Variants in TOM1L2 observed in about 807,000 individuals in gnomAD.
The protein encoded by TOM1L2 is target of myb1 like 2 membrane trafficking protein.
In TOM1L2, 31 loss-of-function variants were observed where a neutral mutation model predicts 67.9. That is an observed-to-expected ratio of 0.46 (90% CI 0.34 to 0.62). The LOEUF is 0.62. Among genes scored for constraint, TOM1L2 ranks in the 20% least tolerant of loss-of-function variants. TOM1L2 has a pLI of 0.01. For synonymous variants in TOM1L2, 256 were observed against 254.0 expected (o/e 1.01, Z -0.07); for missense variants, 606 against 663.5 (o/e 0.91, Z 0.95).
chr17:17,882,899 G>C (rs2037804100), intron 5 of TOM1L2, 36 bp from the exon 6 acceptor site: 7 of 1,610,548 alleles, frequency 4.3e-6, no homozygotes, highest in Non-Finnish European at 5.1e-6. Context: ...TGTTTACCTG[G>C]GCTGCCTGCA....
At chr17:17,927,882 C>G (rs1317817583) in intron 1 of TOM1L2, among the ~76,000 whole-genome samples, 12 of 151,988 alleles carry the variant, frequency 7.9e-5, no homozygotes, top group African/African-American at 2.9e-4. Flanking sequence ...CCAGGCCTCC[C>G]AAAGTGTTGG....
At chr17:17,909,087 A>G (rs1354241269) in intron 1 of TOM1L2, among the ~76,000 whole-genome samples, 1 of 152,204 alleles carries the variant, frequency 6.6e-6, no homozygotes, top group Non-Finnish European at 1.5e-5. Flanking sequence ...AGGCTGAGGC[A>G]GGAGAATGGC....
At chr17:17,870,362 C>T (rs890138318) in intron 7 of TOM1L2, among the ~76,000 whole-genome samples, 1 of 152,188 alleles carries the variant, frequency 6.6e-6, no homozygotes, top group Non-Finnish European at 1.5e-5. Context: ...AACTTGCTTA[C>T]AGAGCTCCGT....
At chr17:17,967,860 G>A (rs2041927049) in intron 1 of TOM1L2, among the ~76,000 whole-genome samples, 2 of 152,022 alleles carry the variant, frequency 1.3e-5, no homozygotes, top group African/African-American at 2.4e-5. Flanking sequence ...CACCCGCCAC[G>A]GCCTCCCAAA....
intron 3 of TOM1L2, among the ~76,000 whole-genome samples, chr17:17,896,770 G>A (rs1310422033): frequency 2.0e-5 from 3 of 152,192 alleles, no homozygotes; most frequent in South Asian, 4.1e-4. Flanking sequence ...GAAGACACAA[G>A]CAGAGAGCCC....
intron 1 of TOM1L2, among the ~76,000 whole-genome samples, chr17:17,953,470 G>A (rs1250380337): frequency 6.6e-6 from 1 of 152,116 alleles, no homozygotes; most frequent in African/African-American, 2.4e-5. Context: ...CCCCACCTCA[G>A]GAGGACAGAG....
intron 1 of TOM1L2, among the ~76,000 whole-genome samples, chr17:17,946,417 T>C (rs547961775): frequency 9.2e-5 from 14 of 152,342 alleles, no homozygotes; most frequent in African/African-American, 2.9e-4. Flanking sequence ...CTTTTCTCTA[T>C]ATAGATGTGT....
At chr17:17,890,329 G>A (rs933917717) in intron 4 of TOM1L2, among the ~76,000 whole-genome samples, 1 of 151,926 alleles carries the variant, frequency 6.6e-6, no homozygotes, top group African/African-American at 2.4e-5. Context: ...CTCACACCCC[G>A]GTATGAGGTG....
chr17:17,851,612 G>A (rs77431985), intron 12 of TOM1L2, among the ~76,000 whole-genome samples: 2,638 of 152,286 alleles, frequency 0.017, 33 homozygotes, highest in Non-Finnish European at 0.025. Flanking sequence ...CAGCAAAAAC[G>A]AGGGCTCTGA....
intron 7 of TOM1L2, among the ~76,000 whole-genome samples, chr17:17,877,925 T>C (rs1358137543): frequency 6.6e-6 from 1 of 151,108 alleles, no homozygotes; most frequent in Non-Finnish European, 1.5e-5. Context: ...AAACACGAAG[T>C]ATTCCTGCTG....
chr17:17,851,267 CCT>C, intron 12 of TOM1L2: 1 of 393,232 alleles, frequency 2.5e-6, no homozygotes. Context: ...CATTGCGGGG[CCT>C]CTCAGCCCGG....
chr17:17,941,565 T>C (rs1291147725), intron 1 of TOM1L2, among the ~76,000 whole-genome samples: 1 of 152,148 alleles, frequency 6.6e-6, no homozygotes, highest in Non-Finnish European at 1.5e-5. Context: ...CGAGGAGATA[T>C]CCACGGGCAG....
At chr17:17,970,977 A>G (rs2042050061) in intron 1 of TOM1L2, among the ~76,000 whole-genome samples, 3 of 152,168 alleles carry the variant, frequency 2.0e-5, no homozygotes, top group East Asian at 1.9e-4. Flanking sequence ...TAAAAAGGCA[A>G]GTTGCTTTCT....
At chr17:17,891,273 G>C (rs1294546947) in intron 4 of TOM1L2, among the ~76,000 whole-genome samples, 2 of 152,240 alleles carry the variant, frequency 1.3e-5, no homozygotes, top group South Asian at 2.1e-4. Context: ...ATTGAGAGCA[G>C]ACAGGCAAGA....
At chr17:17,923,859 C>T (rs968778614) in intron 1 of TOM1L2, among the ~76,000 whole-genome samples, 5 of 151,854 alleles carry the variant, frequency 3.3e-5, no homozygotes, top group African/African-American at 7.3e-5. Context: ...AAAAAAAGGC[C>T]GGGCGCGGTG....
At position 17,861,496 on chromosome 17, in the gene TOM1L2, G is replaced by A. The variant is rs1385530930; in HGVS notation, c.1258C>T (p.Arg420Ter). ...CCTACCCCTTCTGAACTCTGTTTTC[G>A]ATTGTCTAGTGCAGAAGCAAGTCCT... is the stretch of plus-strand genomic sequence containing the variant. Reference protein sequence around the residue: ...VGGLASALDNRKQSSEGIPVA... With the variant: ...VGGLASALDN The change falls in exon 12 of 15, where the codon CGA (arginine) becomes TGA (stop). Residue 420 changes from arginine to a stop codon, truncating the protein, a stop_gained. Transcript: ENST00000379504. LOFTEE classifies it high-confidence loss of function. 3 of 1,614,028 alleles carry A rather than the reference G, an allele frequency of 1.9e-6. No homozygotes were observed. Among genetic ancestry groups the A allele is most frequent in the South Asian group, 1.1e-5 (1 of 91,076 alleles).
At chr17:17,926,050 A>T (rs2040070403) in intron 1 of TOM1L2, among the ~76,000 whole-genome samples, 1 of 151,942 alleles carries the variant, frequency 6.6e-6, no homozygotes, top group Non-Finnish European at 1.5e-5. Context: ...ACGCACCTGT[A>T]GTCCCAGCTA....
chr17:17,932,805 T>C (rs2040388709), intron 1 of TOM1L2, among the ~76,000 whole-genome samples: 1 of 152,168 alleles, frequency 6.6e-6, no homozygotes, highest in Non-Finnish European at 1.5e-5. Flanking sequence ...GAATCATCTG[T>C]AGAGTTTGTT....
At chr17:17,910,550 A>T (rs921461073) in intron 1 of TOM1L2, among the ~76,000 whole-genome samples, 51 of 152,162 alleles carry the variant, frequency 3.4e-4, no homozygotes, top group African/African-American at 1.2e-3. Context: ...GGTGGGATTC[A>T]GTGATTATTA....
Sources: gnomAD v4.1 joint callset for allele counts (sites outside exome capture counted in the v4.1 genomes callset) on GRCh38, gnomAD v4.1.1 for gene constraint, MANE v1.5 for transcripts, NCBI Gene and HGNC (gene_info 2026-07-23, HGNC 2026-07-21) for gene names.